CFAP47: variants seen among roughly 807,000 people sequenced by gnomAD.
The protein encoded by CFAP47 is cilia and flagella associated protein 47.
A neutral mutation model predicts 148.1 loss-of-function variants in CFAP47; 29 were observed. That is an observed-to-expected ratio of 0.20 (90% CI 0.15 to 0.27). The LOEUF (loss-of-function observed/expected upper bound fraction) is 0.27, where lower values mean the gene tolerates loss of function less well. CFAP47 is among the 10% of genes least tolerant of loss of function. The probability of loss-of-function intolerance (pLI) is 1.00; values close to 1 mark genes in which losing one functional copy is unlikely to be tolerated. For synonymous variants in CFAP47, 664 were observed against 577.3 expected, an observed-to-expected ratio of 1.15 and a Z score of -2.15; for missense variants, 1,872 against 1,697.5, an observed-to-expected ratio of 1.10 and a Z score of -1.81.
chrX:36,099,897 G>T lies in CFAP47; in HGVS notation c.5127+18G>T, dbSNP rs766893488. The T allele has an allele frequency of 3.1e-5, 26 of 852,355 alleles. No individual in the cohort carries two copies. In the South Asian group the frequency reaches 5.6e-4, roughly 18 times the overall value. 70.2% of individuals were successfully genotyped at this position (852,355 alleles called of 1,213,427 possible). ...TATACAAGGTAACATTTCCATTATT[G>T]TTCGCTGCTTCTCTGTTGATTAATA... On this transcript the variant is annotated intron_variant, in intron 32 of 63. Transcript: ENST00000378653.
At chrX:36,141,171 G>T (rs780601170) in intron 35 of CFAP47, among the ~76,000 whole-genome samples, 4 of 109,184 alleles carry the variant, frequency 3.7e-5, no homozygotes, top group African/African-American at 1.3e-4. Context: ...CACAGAGTCA[G>T]AGCAGTCTCA....
intron 62 of CFAP47, among the ~76,000 whole-genome samples, chrX:36,374,517 A>G (rs1328011807): frequency 9.1e-6 from 1 of 110,223 alleles, no homozygotes; most frequent in African/African-American, 3.3e-5. Context: ...TGACTTTTCT[A>G]TTCTCTATTT....
At chrX:36,063,655 A>G (rs1264117177) in intron 26 of CFAP47, among the ~76,000 whole-genome samples, 1 of 112,025 alleles carries the variant, frequency 8.9e-6, no homozygotes, top group Non-Finnish European at 1.9e-5. Flanking sequence ...AAATATTTCA[A>G]GTGATAGTGT....
chrX:35,948,203 T>C, intron 3 of CFAP47, 111 bp from the exon 4 acceptor site: 4 of 637,917 alleles, frequency 6.3e-6, no homozygotes, highest in Non-Finnish European at 9.7e-6. Flanking sequence ...CCATGGGCCA[T>C]GGGTTAGGCA....
chrX:36,126,576 T>G (rs912840458), intron 33 of CFAP47, among the ~76,000 whole-genome samples: 1 of 112,080 alleles, frequency 8.9e-6, no homozygotes. Flanking sequence ...TGTGTCTTTA[T>G]AGTAGAATGA....
chrX:36,044,473 G>A (rs774553664), intron 25 of CFAP47, among the ~76,000 whole-genome samples: 18 of 112,444 alleles, frequency 1.6e-4, no homozygotes, highest in African/African-American at 5.8e-4. Context: ...AAACTTGAAT[G>A]CTTTGCTGCT....
intron 30 of CFAP47, among the ~76,000 whole-genome samples, chrX:36,090,025 A>G (rs1490819345): frequency 8.9e-6 from 1 of 111,992 alleles, no homozygotes; most frequent in East Asian, 2.8e-4. Context: ...TATCACTGAA[A>G]TGGAATATTT....
intron 49 of CFAP47, among the ~76,000 whole-genome samples, chrX:36,267,355 A>G (rs953602626): frequency 1.2e-4 from 13 of 111,306 alleles, no homozygotes; most frequent in Non-Finnish European, 2.4e-4. Flanking sequence ...CTGAAACTGA[A>G]TTTGGATCTT....
intron 43 of CFAP47, 123 bp downstream of exon 43, chrX:36,200,616 T>C (rs1555987912): frequency 7.1e-6 from 2 of 281,104 alleles, no homozygotes; most frequent in Non-Finnish European, 1.2e-5. Flanking sequence ...AAAGGGCTTC[T>C]TTTAACTTTA....
At chrX:36,211,767 G>C in intron 45 of CFAP47, 1 of 205,771 alleles carries the variant, frequency 4.9e-6, no homozygotes, top group Non-Finnish European at 9.4e-6. Flanking sequence ...TTTTTTTCTT[G>C]TCTATAAAGC....
At chrX:36,372,538 T>C (rs782171073) in intron 62 of CFAP47, among the ~76,000 whole-genome samples, 86 of 111,744 alleles carry the variant, frequency 7.7e-4, no homozygotes, top group African/African-American at 2.7e-3. Flanking sequence ...CTAGATGGTA[T>C]AGCATACTGC....
intron 30 of CFAP47, among the ~76,000 whole-genome samples, 170 bp downstream of exon 30, chrX:36,085,708 G>A (rs1053858007): frequency 2.9e-5 from 3 of 104,384 alleles, no homozygotes; most frequent in Non-Finnish European, 5.8e-5. Context: ...ATATATATAT[G>A]TATGGTAAAG....
intron 37 of CFAP47, among the ~76,000 whole-genome samples, chrX:36,151,681 GTC>G (rs1439714090): frequency 1.2e-5 from 1 of 83,185 alleles, no homozygotes; most frequent in Non-Finnish European, 3.0e-5. Flanking sequence ...GTGTGTGTGT[GTC>G]TGTCTGTGTG....
At chrX:35,978,320 A>T (rs770128665) in intron 15 of CFAP47, among the ~76,000 whole-genome samples, 1 of 111,796 alleles carries the variant, frequency 8.9e-6, no homozygotes, top group South Asian at 3.7e-4. Flanking sequence ...GGCTTGCCTT[A>T]TGGCTGCTAT....
intron 29 of CFAP47, among the ~76,000 whole-genome samples, chrX:36,077,939 G>T (rs751549029): frequency 1.8e-5 from 2 of 110,638 alleles, no homozygotes; most frequent in Non-Finnish European, 3.8e-5. Flanking sequence ...TGAGGCAGGA[G>T]AATTTATTGA....
rs1230126522 is a variant in CFAP47 at position 36,104,578 on chromosome X, A to G, written c.5207A>G (p.Asn1736Ser). Residue 1736 changes from asparagine (N) to serine (S), a missense_variant, in exon 33 of 64, where the codon AAT (asparagine) becomes AGT (serine). Transcript: ENST00000378653. ...PICVQNTPKV[N>S]PCFASSNIYS... is the part of the protein sequence containing the mutation. ...TGTGTGCAAAATACACCAAAAGTCA[A>G]TCCTTGTTTTGCATCCAGCAACATA... The G allele has an allele frequency of 1.0e-6, 1 of 990,146 alleles. No homozygotes were observed. Among genetic ancestry groups the G allele is most frequent in the East Asian group, 3.1e-5 (1 of 32,154 alleles). The allele number at this position is 990,146 out of a possible 1,213,427, so 81.6% of individuals were successfully genotyped here. A position where few individuals can be genotyped will look rare whatever the true frequency, so the allele number is the denominator to read the frequency against.
chrX:35,924,184 C>T (rs187350754), intron 1 of CFAP47, among the ~76,000 whole-genome samples: 1 of 100,632 alleles, frequency 9.9e-6, no homozygotes, highest in East Asian at 3.1e-4. Flanking sequence ...TGTATGCGTA[C>T]ATGTATGTGT....
intron 48 of CFAP47, among the ~76,000 whole-genome samples, chrX:36,242,433 A>G (rs1330671930): frequency 8.9e-6 from 1 of 112,126 alleles, no homozygotes; most frequent in Admixed American, 9.5e-5. Context: ...AAATGATCCA[A>G]TAAAATGATC....
At chrX:35,976,209 G>A (rs959567521) in intron 15 of CFAP47, among the ~76,000 whole-genome samples, 1 of 110,677 alleles carries the variant, frequency 9.0e-6, no homozygotes, top group Non-Finnish European at 1.9e-5. Context: ...GTGTGGTTGT[G>A]TGGCCTGGCA....
Sources: gnomAD v4.1 joint callset for allele counts (sites outside exome capture counted in the v4.1 genomes callset) on GRCh38, gnomAD v4.1.1 for gene constraint, MANE v1.5 for transcripts, NCBI Gene and HGNC (gene_info 2026-07-23, HGNC 2026-07-21) for gene names.